TENM2: variants seen among roughly 807,000 people sequenced by gnomAD.
TENM2 encodes the protein teneurin-2.
In TENM2, 52 loss-of-function variants were observed where a neutral mutation model predicts 245.2. The ratio of observed to expected loss-of-function variants is 0.21; its 90% CI spans 0.17 to 0.27. The LOEUF (loss-of-function observed/expected upper bound fraction) is 0.27. Among genes scored for constraint, TENM2 ranks in the 10% least tolerant of loss-of-function variants. The probability of loss-of-function intolerance (pLI) is 1.00; values close to 1 mark genes in which losing one functional copy is unlikely to be tolerated. For synonymous variants in TENM2, 1,363 were observed against 1,438.9 expected, an observed-to-expected ratio of 0.95 and a Z score of 1.19; for missense variants, 3,046 against 3,666.8, an observed-to-expected ratio of 0.83 and a Z score of 4.37.
In TENM2 at chr5:167,353,500, G is replaced by GTTT. The variant is rs59240930; in HGVS notation, c.227-21675_227-21673dup. ...TATGGTGTTTTTTGTTGTTGTTGTT[G>GTTT]TTTTTTTTTTTTTTTTTTTTTTTTT... On this transcript the variant is annotated intron_variant, in intron 1 of 28. Coordinates refer to ENST00000518659, the Ensembl canonical transcript of TENM2. 2.6e-3 allele frequency among the ~76,000 whole-genome samples: 210 copies of GTTT among 79,468 alleles called. 2 individuals are homozygous for GTTT. Among genetic ancestry groups the GTTT allele is most frequent in the Non-Finnish European group, 3.3e-3 (156 of 47,168 alleles). The allele number at this position is 79,468 out of a possible 152,430, so 52.1% of individuals were successfully genotyped here.
In TENM2 at chr5:167,920,490, C is replaced by G. The variant is rs1441781866; in HGVS notation, c.713-32098C>G. Among the ~76,000 whole-genome samples the G allele has an allele frequency of 2.5e-4, 37 of 148,116 alleles. No individual in the cohort carries two copies. In the Admixed American group the frequency reaches 2.5e-3, roughly 10 times the overall value. On this transcript the variant is annotated intron_variant, in intron 3 of 28. Coordinates refer to ENST00000518659, the Ensembl canonical transcript of TENM2. Reference sequence around the variant, plus strand: ...CCAAGCTCGTGCCACTGTACTGCAGCCTGGGCAACAAGAGCGAAACTCCAT... The same window carrying G: ...CCAAGCTCGTGCCACTGTACTGCAGGCTGGGCAACAAGAGCGAAACTCCAT...
intron 4 of TENM2, among the ~76,000 whole-genome samples, chr5:167,974,425 GA>G (rs1212982490): frequency 1.3e-5 from 2 of 149,798 alleles, no homozygotes; most frequent in African/African-American, 4.9e-5. Flanking sequence ...AAAAGGGAGG[GA>G]GGGGTGGAGG....
intron 23 of TENM2, among the ~76,000 whole-genome samples, chr5:168,220,297 AG>A (rs1763561868): frequency 2.0e-5 from 3 of 152,282 alleles, no homozygotes; most frequent in East Asian, 1.9e-4. Context: ...CTCCTGAAAG[AG>A]GGGGAAAAAA....
chr5:168,004,694 A>ATT lies in TENM2; in HGVS notation c.1186+11514_1186+11515dup, dbSNP rs1581030576. On this transcript the variant is annotated intron_variant, in intron 5 of 28. Transcript: ENST00000518659. ...CCAACTTCTAGTCCTGCTTCCAAAG[A>ATT]TTTAATCTTTCACAGTGTTTGCATT... Among the ~76,000 whole-genome samples the ATT allele has an allele frequency of 3.3e-5, 5 of 152,206 alleles. No individual in the cohort carries two copies. In the East Asian group the frequency reaches 9.7e-4, roughly 29 times the overall value.
At chr5:167,951,784 AATAG>A (rs1326899956) in intron 3 of TENM2, among the ~76,000 whole-genome samples, 1 of 152,218 alleles carries the variant, frequency 6.6e-6, no homozygotes, top group African/African-American at 2.4e-5. Flanking sequence ...CTCATTTTAA[AATAG>A]ATATATATGT....
Position 167,728,374 on chromosome 5 carries a change from G to A in TENM2, c.503-147612G>A, listed in dbSNP as rs1760175671. 2.0e-5 allele frequency among the ~76,000 whole-genome samples: 3 copies of A among 152,080 alleles called. No individual in the cohort carries two copies. The South Asian group carries it at 6.2e-4, about 32-fold the overall frequency. On this transcript the variant is annotated intron_variant, in intron 2 of 28. Transcript: ENST00000518659. ...TCCCAGCACTTTGGGCGTCTGAGGT[G>A]AGAGGATCCCTTGAGGCCAGGAATT...
At chr5:167,303,178 C>T (rs371813718) in intron 1 of TENM2, 30 of 170,602 alleles carry the variant, frequency 1.8e-4, no homozygotes, top group Non-Finnish European at 3.1e-4. Context: ...GACCTGAGGT[C>T]GTAGGTAGAT....
chr5:167,927,134 A>T (rs1356110914), intron 3 of TENM2, among the ~76,000 whole-genome samples: 1 of 151,646 alleles, frequency 6.6e-6, no homozygotes, highest in East Asian at 2.0e-4. Context: ...GGAGAGAGAG[A>T]AAAACAGAGG....
chr5:167,710,645 T>C (rs115425056), intron 2 of TENM2, among the ~76,000 whole-genome samples: 1,926 of 152,194 alleles, frequency 0.013, 53 homozygotes, highest in African/African-American at 0.044. Flanking sequence ...GAAGTAAAAC[T>C]AGGAAAGCAG....
At chr5:167,208,656 T>A in the TENM2 span, among the ~76,000 whole-genome samples, 1 of 152,212 alleles carries the variant, frequency 6.6e-6, no homozygotes, top group Non-Finnish European at 1.5e-5. Flanking sequence ...AGATGTAAAG[T>A]GACACAGATT....
chr5:168,118,046 G>A (rs140758478), intron 9 of TENM2, among the ~76,000 whole-genome samples: 23 of 152,350 alleles, frequency 1.5e-4, no homozygotes, highest in African/African-American at 4.8e-4. Context: ...GTCATGAATT[G>A]CACATAAAGC....
At chr5:167,971,467 G>A (rs549567329) in intron 4 of TENM2, among the ~76,000 whole-genome samples, 78 of 152,210 alleles carry the variant, frequency 5.1e-4, no homozygotes, top group African/African-American at 1.7e-3. Flanking sequence ...TTGGGAGGCC[G>A]AGGCAGGTGG....
intron 2 of TENM2, among the ~76,000 whole-genome samples, chr5:167,824,373 A>G (rs1767787001): frequency 6.6e-6 from 1 of 152,232 alleles, no homozygotes; most frequent in Admixed American, 6.5e-5. Context: ...GGGCTGAGAG[A>G]GGAAAGCCTT....
chr5:167,065,607 A>G, the TENM2 span, among the ~76,000 whole-genome samples: 1 of 152,232 alleles, frequency 6.6e-6, no homozygotes, highest in African/African-American at 2.4e-5. Flanking sequence ...GCTAACTACA[A>G]ATAATACATA....
At chr5:167,720,278 TAAAC>T (rs772535651) in intron 2 of TENM2, among the ~76,000 whole-genome samples, 67 of 152,110 alleles carry the variant, frequency 4.4e-4, no homozygotes, top group African/African-American at 6.3e-4. Flanking sequence ...TTGTTAAAAA[TAAAC>T]AAACAGTTAA....
At chr5:168,071,648 T>C (rs1343858931) in intron 7 of TENM2, among the ~76,000 whole-genome samples, 1 of 152,196 alleles carries the variant, frequency 6.6e-6, no homozygotes, top group Non-Finnish European at 1.5e-5. Context: ...TCCTCCTTTT[T>C]CAATATGATA....
chr5:167,104,207 C>G, the TENM2 span, among the ~76,000 whole-genome samples: 1 of 151,768 alleles, frequency 6.6e-6, no homozygotes, highest in Admixed American at 6.6e-5. Context: ...ATCCTTGAGA[C>G]TTTTACAGTG....
At chr5:167,424,526 G>T (rs539785495) in intron 2 of TENM2, among the ~76,000 whole-genome samples, 1 of 152,050 alleles carries the variant, frequency 6.6e-6, no homozygotes, top group Admixed American at 6.5e-5. Context: ...TAATTTTGCC[G>T]CAATCTCGTC....
At chr5:167,498,129 C>A (rs1768936425) in intron 2 of TENM2, among the ~76,000 whole-genome samples, 1 of 152,050 alleles carries the variant, frequency 6.6e-6, no homozygotes, top group Non-Finnish European at 1.5e-5. Flanking sequence ...GTTTGTTGTC[C>A]TAATGAGCAG....
Sources: gnomAD v4.1 joint callset for allele counts (sites outside exome capture counted in the v4.1 genomes callset) on GRCh38, gnomAD v4.1.1 for gene constraint, MANE v1.5 for transcripts, NCBI Gene and HGNC (gene_info 2026-07-23, HGNC 2026-07-21) for gene names.